The following SF3B3 variants were observed in gnomAD, a reference collection of about 807,000 sequenced individuals.
The protein encoded by SF3B3 is SAP 130.
SF3B3 carries 33 observed loss-of-function variants against 139.2 expected under a neutral mutation model. That is an observed-to-expected ratio of 0.24 (90% CI 0.18 to 0.32). SF3B3 has a LOEUF of 0.32. SF3B3 is among the 10% of genes least tolerant of loss of function. The probability of loss-of-function intolerance (pLI) is 1.00; values close to 1 mark genes in which losing one functional copy is unlikely to be tolerated. For synonymous variants in SF3B3, 596 were observed against 563.6 expected (o/e 1.06, Z -0.81); for missense variants, 818 against 1,509.4 (o/e 0.54, Z 7.59).
intron 15 of SF3B3, 141 bp from the exon 16 acceptor site, chr16:70,560,328 T>G: frequency 7.9e-6 from 6 of 761,722 alleles, no homozygotes; most frequent in East Asian, 3.1e-5. Context: ...GGCTATCGGA[T>G]TATTAGGATC....
intron 7 of SF3B3, 104 bp downstream of exon 7, chr16:70,538,564 GC>G: frequency 9.7e-7 from 1 of 1,033,142 alleles, no homozygotes; most frequent in Non-Finnish European, 1.4e-6. Flanking sequence ...GAAAGTAGTT[GC>G]CCTTGGAACC....
In SF3B3 at chr16:70,532,357, C is replaced by CAAAAAAAAAAAAAAAAAAAAAA. The variant is rs10524385; in HGVS notation, c.571-112_571-111insAAAAAAAAAAAAAAAAAAAAAA. The stretch of plus-strand genomic sequence containing the variant: ...GTGACATAGTGAGAACCTGTCTCTC[C>CAAAAAAAAAAAAAAAAAAAAAA]AAAAAAAAAAGAAGACATTTGTGGA... On this transcript the variant is annotated intron_variant, in intron 4 of 25. Transcript: ENST00000302516. 72 of 522,554 alleles carry CAAAAAAAAAAAAAAAAAAAAAA rather than the reference C, an allele frequency of 1.4e-4. 2 individuals are homozygous for CAAAAAAAAAAAAAAAAAAAAAA. The highest frequency in any genetic ancestry group is 2.1e-4 in the Admixed American group (6 of 28,076). The allele number at this position is 522,554 out of a possible 1,614,324, so 32.4% of individuals were successfully genotyped here.
chr16:70,557,419 C>G (rs2050389009), intron 15 of SF3B3, among the ~76,000 whole-genome samples: 1 of 152,200 alleles, frequency 6.6e-6, no homozygotes, highest in Admixed American at 6.5e-5. Flanking sequence ...AGTTGCTGAG[C>G]TCTTTGTGCC....
rs1290842498 is a variant in SF3B3, at chr16:70,573,023, G to A, written c.*1210G>A. ...CTAAATTGAGCAAATGATCTGGTGAGCACTGGGTTAGAATCAGGAATGGTG... is the reference window on the plus strand; with the variant it reads ...CTAAATTGAGCAAATGATCTGGTGAACACTGGGTTAGAATCAGGAATGGTG... On this transcript the variant is annotated 3_prime_UTR_variant, in exon 26 of 26. Transcript: ENST00000302516. 1 of 152,200 alleles carries A rather than the reference G, an allele frequency of 6.6e-6. No homozygotes were observed. The highest frequency in any genetic ancestry group is 1.5e-5 in the Non-Finnish European group (1 of 68,046). 9.4% of individuals were successfully genotyped at this position (152,200 alleles called of 1,614,324 possible). A position where few individuals can be genotyped will look rare whatever the true frequency, so the allele number is the denominator to read the frequency against.
intron 11 of SF3B3, chr16:70,550,552 C>A (rs1344893563): frequency 2.1e-6 from 1 of 469,026 alleles, no homozygotes; most frequent in Non-Finnish European, 2.8e-6. Flanking sequence ...AACATTCCTT[C>A]TGCCTGCACA....
intron 22 of SF3B3, 89 bp from the exon 23 acceptor site, chr16:70,568,954 C>G (rs560053144): frequency 1.0e-5 from 9 of 892,454 alleles, no homozygotes; most frequent in Admixed American, 1.0e-4. Context: ...CTGTGGCTGA[C>G]TTGCAAAGAC....
At chr16:70,560,621 A>G (rs768551086) in intron 16 of SF3B3, 30 bp downstream of exon 16, 1 of 1,609,718 alleles carries the variant, frequency 6.2e-7, no homozygotes, top group Admixed American at 1.7e-5. Context: ...GACAGGCAAC[A>G]TCTTTGGGAT....
At chr16:70,548,260 C>T (rs879180904) in intron 10 of SF3B3, 110 bp from the exon 11 acceptor site, 1 of 845,656 alleles carries the variant, frequency 1.2e-6, no homozygotes, top group African/African-American at 1.7e-5. Context: ...CCTTTAAATA[C>T]AGCATACGTT....
intron 11 of SF3B3, 173 bp from the exon 12 acceptor site, chr16:70,554,273 A>C: frequency 3.5e-6 from 2 of 572,680 alleles, no homozygotes; most frequent in Admixed American, 3.2e-5. Flanking sequence ...TCTGACCCCT[A>C]GTTTTCTTCT....
chr16:70,527,189 G>A (rs2050072630), intron 2 of SF3B3, among the ~76,000 whole-genome samples: 2 of 152,214 alleles, frequency 1.3e-5, no homozygotes, highest in African/African-American at 4.8e-5. Context: ...AGTTTAGGTA[G>A]GGAGTGCTGT....
At chr16:70,526,451 C>T (rs952626932) in intron 1 of SF3B3, 136 bp from the exon 2 acceptor site, 3 of 519,148 alleles carry the variant, frequency 5.8e-6, no homozygotes, top group Non-Finnish European at 1.0e-5. Flanking sequence ...CGTGAGCCAC[C>T]ACGCCCGGTC....
Position 70,547,433 on chromosome 16 carries a change from T to C in SF3B3, c.1330-937T>C, listed in dbSNP as rs555243169. Among the ~76,000 whole-genome samples, 12 of 152,328 alleles carry C rather than the reference T, an allele frequency of 7.9e-5. No individual in the cohort carries two copies. In the South Asian group the frequency reaches 8.3e-4, roughly 11 times the overall value. On this transcript the variant is annotated intron_variant, in intron 10 of 25. Coordinates refer to ENST00000302516, the MANE Select transcript of SF3B3 (RefSeq NM_012426.5). ...GAGTTCCTGTATAACCTACACCCAGTTTTCCCCTCTAGATCATTTTGAATT... is the reference window on the plus strand; with the variant it reads ...GAGTTCCTGTATAACCTACACCCAGCTTTCCCCTCTAGATCATTTTGAATT...
intron 24 of SF3B3, among the ~76,000 whole-genome samples, chr16:70,570,788 C>G (rs1028978044): frequency 6.6e-6 from 1 of 152,200 alleles, no homozygotes; most frequent in African/African-American, 2.4e-5. Flanking sequence ...CATATGGAAT[C>G]AACTCTAGGT....
rs763414606 is a variant in SF3B3, at chr16:70,555,170, G to A, written c.1674G>A (p.Leu558=). ...AVNQRQVVIA[L]TGGELVYFEM... ...ACCAGCGACAAGTGGTGATTGCCCT[G>A]ACAGGAGGAGAGCTGGTCTATTTCG... The change falls in exon 13 of 26, where the codon CTG becomes CTA. Residue 558 remains leucine, a synonymous_variant. Coordinates refer to ENST00000302516, the MANE Select transcript of SF3B3 (RefSeq NM_012426.5). 1.9e-6 allele frequency: 3 copies of A among 1,614,010 alleles called. No homozygotes were observed. Among genetic ancestry groups the A allele is most frequent in the Admixed American group, 1.7e-5 (1 of 60,002 alleles).
At chr16:70,564,989 C>G (rs1181571526) in intron 18 of SF3B3, 76 bp from the exon 19 acceptor site, 1 of 1,399,304 alleles carries the variant, frequency 7.1e-7, no homozygotes, top group Admixed American at 1.7e-5. Context: ...CTGGAGTGTT[C>G]TTGCTACCTA....
Position 70,541,802 on chromosome 16 carries a change from T to A in SF3B3, c.1201T>A (p.Leu401Met). 1 of 1,614,108 alleles carries A rather than the reference T, an allele frequency of 6.2e-7. No individual in the cohort carries two copies. The highest frequency in any genetic ancestry group is 8.5e-7 in the Non-Finnish European group (1 of 1,179,974). The part of the protein sequence containing the change: ...PLKNLVLVDE[L>M]DSLSPILFCQ... Reference sequence around the variant, plus strand: ...TAAAAACCTTGTGCTGGTTGATGAGTTGGACAGCCTCTCTCCCATTCTGTT... The same window carrying A: ...TAAAAACCTTGTGCTGGTTGATGAGATGGACAGCCTCTCTCCCATTCTGTT... Residue 401 changes from leucine to methionine, a missense_variant, in exon 9 of 26, where the codon TTG becomes ATG. Around this residue, in one of 14 missense-constraint regions of SF3B3, gnomAD observed 26 missense variants for 25.5 expected, o/e 1.02. Coordinates refer to ENST00000302516, the MANE Select transcript of SF3B3 (RefSeq NM_012426.5).
intron 10 of SF3B3, among the ~76,000 whole-genome samples, chr16:70,545,915 C>T (rs975424059): frequency 2.6e-5 from 4 of 152,154 alleles, no homozygotes; most frequent in African/African-American, 7.2e-5. Flanking sequence ...AAAATATATT[C>T]ATCAGTTCAC....
rs953373583 is a variant in SF3B3, at chr16:70,574,079, G to A, written c.*2266G>A. ...TCCCCAGAATGTGTGCTGTTCCCAC[G>A]CTGCTGCCTTTCTTGAGCTTGTTAG... is the stretch of plus-strand genomic sequence containing the variant. On this transcript the variant is annotated 3_prime_UTR_variant, in exon 26 of 26. Transcript: ENST00000302516. 6.6e-6 allele frequency: 1 copy of A among 152,184 alleles called. No homozygotes were observed. The highest frequency in any genetic ancestry group is 1.5e-5 in the Non-Finnish European group (1 of 68,040). The allele number at this position is 152,184 out of a possible 1,614,324, so 9.4% of individuals were successfully genotyped here. A position where few individuals can be genotyped will look rare whatever the true frequency, so the allele number is the denominator to read the frequency against.
chr16:70,526,554 T>C (rs1271043741), intron 1 of SF3B3, 33 bp from the exon 2 acceptor site: 1 of 741,938 alleles, frequency 1.3e-6, no homozygotes, highest in Non-Finnish European at 2.3e-6. Flanking sequence ...AGTAATAGTC[T>C]CCCAGCTATT....
Sources: gnomAD v4.1 joint callset for allele counts (sites outside exome capture counted in the v4.1 genomes callset) on GRCh38, gnomAD v4.1.1 for gene constraint, gnomAD v4.1.1 regional missense constraint, MANE v1.5 for transcripts, NCBI Gene and HGNC (gene_info 2026-07-23, HGNC 2026-07-21) for gene names.